The following TRPM7 variants were observed in gnomAD, a reference collection of about 807,000 sequenced individuals.
TRPM7 encodes the protein LTRPC ion channel family member 7.
TRPM7 carries 134 observed loss-of-function variants against 229.7 expected under a neutral mutation model. That is an observed-to-expected ratio of 0.58 (90% CI 0.51 to 0.67). The LOEUF is 0.67. Among genes scored for constraint, TRPM7 ranks in the 30% least tolerant of loss-of-function variants. TRPM7 has a pLI of 0.00. For missense variants in TRPM7, 1,901 were observed against 2,210.0 expected, an observed-to-expected ratio of 0.86 and a Z score of 2.80; for synonymous variants, 699 against 715.2, an observed-to-expected ratio of 0.98 and a Z score of 0.36.
At chr15:50,569,766 G>T in intron 38 of TRPM7, 121 bp downstream of exon 38, 1 of 517,300 alleles carries the variant, frequency 1.9e-6, no homozygotes, top group Non-Finnish European at 3.4e-6. Context: ...CAAAAGAGCT[G>T]CTGAAGCTGG....
chr15:50,668,564 G>A (rs188303138), intron 1 of TRPM7, among the ~76,000 whole-genome samples: 42 of 152,306 alleles, frequency 2.8e-4, no homozygotes, highest in Admixed American at 2.0e-3. Flanking sequence ...CTGGAGGGCA[G>A]TGGCATGATC....
chr15:50,665,393 TAA>T (rs5812523), intron 1 of TRPM7, among the ~76,000 whole-genome samples: 97 of 135,728 alleles, frequency 7.1e-4, no homozygotes, highest in Middle Eastern at 3.7e-3. Context: ...AAACTCTGTC[TAA>T]AAAAAAAAAA....
In TRPM7 at chr15:50,561,210, CA is replaced by C. The variant is rs2053296962; in HGVS notation, c.*467del. The C allele has an allele frequency of 6.5e-6, 1 of 153,456 alleles. No individual in the cohort carries two copies. Among genetic ancestry groups the C allele is most frequent in the South Asian group, 2.1e-4 (1 of 4,848 alleles). The allele number at this position is 153,456 out of a possible 1,614,324, so 9.5% of individuals were successfully genotyped here. On this transcript the variant is annotated 3_prime_UTR_variant, in exon 39 of 39. Transcript: ENST00000646667. ...GCATCTAGTTGGGAACCAGTGATAT[CA>C]TCACTGAACACACTAAATACACTGA... is the stretch of plus-strand genomic sequence containing the variant.
At chr15:50,631,105 G>A (rs948143469) in intron 10 of TRPM7, among the ~76,000 whole-genome samples, 6 of 152,170 alleles carry the variant, frequency 3.9e-5, no homozygotes, top group African/African-American at 1.4e-4. Context: ...GGGATTACAG[G>A]TGTGAGCCAC....
At chr15:50,562,039 C>T (rs1454679581) in intron 38 of TRPM7, among the ~76,000 whole-genome samples, 1 of 152,068 alleles carries the variant, frequency 6.6e-6, no homozygotes, top group Non-Finnish European at 1.5e-5. Context: ...GGATTACAGG[C>T]ATGCACCACC....
intron 3 of TRPM7, among the ~76,000 whole-genome samples, chr15:50,651,763 G>A (rs774322840): frequency 4.6e-5 from 7 of 151,888 alleles, no homozygotes; most frequent in South Asian, 4.1e-4. Flanking sequence ...CGTGGCAGTC[G>A]CCTGTAATCC....
chr15:50,606,833 C>T (rs1309393288), intron 20 of TRPM7, among the ~76,000 whole-genome samples: 1 of 152,048 alleles, frequency 6.6e-6, no homozygotes, highest in Non-Finnish European at 1.5e-5. Flanking sequence ...ACCTAATTGG[C>T]TAAATCAGGT....
intron 38 of TRPM7, among the ~76,000 whole-genome samples, 172 bp from the exon 39 acceptor site, chr15:50,561,980 C>T (rs1162076068): frequency 2.6e-5 from 4 of 152,074 alleles, no homozygotes; most frequent in African/African-American, 9.7e-5. Flanking sequence ...CTGCAACCTC[C>T]ACCTCCCGGG....
Position 50,619,736 on chromosome 15 carries a change from A to G in TRPM7, c.1494+9T>C. On this transcript the variant is annotated intron_variant, in intron 13 of 38. Coordinates refer to ENST00000646667, the MANE Select transcript of TRPM7 (RefSeq NM_017672.6). ...TAACATTTTTCAAAAGCAAAAAATA[A>G]TCTCTTACCTGTTTGACGTCTCGAA... The G allele has an allele frequency of 6.4e-7, 1 of 1,564,898 alleles. No homozygotes were observed. Among genetic ancestry groups the G allele is most frequent in the Non-Finnish European group, 8.6e-7 (1 of 1,162,834 alleles).
intron 1 of TRPM7, among the ~76,000 whole-genome samples, chr15:50,680,069 G>A (rs1392961150): frequency 1.3e-5 from 2 of 151,606 alleles, no homozygotes; most frequent in East Asian, 3.9e-4. Flanking sequence ...CCCTGTCTCT[G>A]CTAAAAATAC....
chr15:50,686,607 G>A lies in TRPM7; in HGVS notation c.-74C>T, dbSNP rs1446997451. 34 of 1,582,454 alleles carry A rather than the reference G, an allele frequency of 2.1e-5. No individual in the cohort carries two copies. The highest frequency in any genetic ancestry group is 9.2e-5 in the Admixed American group (5 of 54,222). ...CCTCCGCGGCCTGTAGCCATCTATCGGGAAGCGTCTCCGGAGGCGGCAGCA... is the reference window on the plus strand; with the variant it reads ...CCTCCGCGGCCTGTAGCCATCTATCAGGAAGCGTCTCCGGAGGCGGCAGCA... On this transcript the variant is annotated 5_prime_UTR_variant, in exon 1 of 39. Transcript: ENST00000646667.
intron 5 of TRPM7, among the ~76,000 whole-genome samples, chr15:50,640,914 GACACTT>G (rs1484417121): frequency 6.6e-6 from 1 of 152,144 alleles, no homozygotes; most frequent in Non-Finnish European, 1.5e-5. Flanking sequence ...CAAATCTGCT[GACACTT>G]ACTCTTAGAC....
chr15:50,586,913 G>C (rs1476041042), intron 27 of TRPM7, among the ~76,000 whole-genome samples: 1 of 152,182 alleles, frequency 6.6e-6, no homozygotes, highest in Non-Finnish European at 1.5e-5. Context: ...CTACTCAGGA[G>C]GCTGAGGCAG....
chr15:50,631,587 A>T (rs1259514996), intron 9 of TRPM7, 98 bp from the exon 10 acceptor site: 10 of 631,248 alleles, frequency 1.6e-5, no homozygotes, highest in Non-Finnish European at 2.5e-5. Flanking sequence ...GGCAAAATAT[A>T]TATGTATGTA....
chr15:50,600,346 A>C (rs1596150638), intron 21 of TRPM7, among the ~76,000 whole-genome samples: 1 of 151,958 alleles, frequency 6.6e-6, no homozygotes, highest in African/African-American at 2.4e-5. Flanking sequence ...CTGAGGCAGG[A>C]GAATCACTTG....
Position 50,640,729 on chromosome 15 carries a change from C to T in TRPM7, c.536-1181G>A, listed in dbSNP as rs186211500. Among the ~76,000 whole-genome samples, 13 of 152,042 alleles carry T rather than the reference C, an allele frequency of 8.6e-5. No homozygotes were observed. The East Asian group carries it at 2.5e-3, about 29-fold the overall frequency. On this transcript the variant is annotated intron_variant, in intron 5 of 38. Coordinates refer to ENST00000646667, the MANE Select transcript of TRPM7 (RefSeq NM_017672.6). ...GGAGGCAGGGCCTTTAAATATGTGA[C>T]GATTAATTTAAAATAAGGCCTCTGG...
chr15:50,578,696 T>C (rs1045416171), intron 30 of TRPM7, 32 bp from the exon 31 acceptor site: 1 of 1,505,068 alleles, frequency 6.6e-7, no homozygotes, highest in South Asian at 1.5e-5. Context: ...TAGTATAAGC[T>C]GTGCTATGAT....
intron 28 of TRPM7, among the ~76,000 whole-genome samples, chr15:50,585,781 T>C (rs193124686): frequency 9.8e-5 from 15 of 152,290 alleles, no homozygotes; most frequent in African/African-American, 2.9e-4. Flanking sequence ...TTTTCAACGA[T>C]GTGCATATAT....
At chr15:50,599,442 T>C (rs113356460) in intron 21 of TRPM7, 146 bp from the exon 22 acceptor site, 158 of 527,604 alleles carry the variant, frequency 3.0e-4, no homozygotes, top group Non-Finnish European at 4.9e-4. Flanking sequence ...AGTGATAGCT[T>C]TCAGAAGAAT....
Sources: gnomAD v4.1 joint callset for allele counts (sites outside exome capture counted in the v4.1 genomes callset) on GRCh38, gnomAD v4.1.1 for gene constraint, MANE v1.5 for transcripts, NCBI Gene and HGNC (gene_info 2026-07-23, HGNC 2026-07-21) for gene names.